HECW2: variants seen among roughly 807,000 people sequenced by gnomAD.
HECW2 encodes the protein HECT, C2 and WW domain containing E3 ubiquitin protein ligase 2, also known as E3 ubiquitin-protein ligase HECW2.
HECW2 carries 61 observed loss-of-function variants against 175.2 expected under a neutral mutation model. The observed-to-expected ratio is 0.35, with a 90% confidence interval of 0.28 to 0.43. The LOEUF is 0.43. Among genes scored for constraint, HECW2 ranks in the 20% least tolerant of loss-of-function variants. The pLI is 1.00. For missense variants in HECW2, 1,524 were observed against 2,000.5 expected, an observed-to-expected ratio of 0.76 and a Z score of 4.54; for synonymous variants, 671 against 731.0, an observed-to-expected ratio of 0.92 and a Z score of 1.32.
chr2:196,442,318 C>CA (rs897251663), intron 1 of HECW2, among the ~76,000 whole-genome samples: 114 of 152,218 alleles, frequency 7.5e-4, no homozygotes, highest in African/African-American at 2.6e-3. Context: ...AAAACATCAA[C>CA]ATTGAAAAGC....
At position 196,569,371 on chromosome 2, in the gene HECW2, C is replaced by CTAAACTAAACTAAACTAAACTAAAA. The variant is rs375827600; in HGVS notation, c.-36+24136_-36+24137insTTTTAGTTTAGTTTAGTTTAGTTTA. Among the ~76,000 whole-genome samples the CTAAACTAAACTAAACTAAACTAAAA allele has an allele frequency of 4.2e-3, 601 of 144,282 alleles. 2 individuals are homozygous for CTAAACTAAACTAAACTAAACTAAAA. The highest frequency in any genetic ancestry group is 6.1e-3 in the Admixed American group (91 of 14,808). 94.7% of individuals were successfully genotyped at this position (144,282 alleles called of 152,430 possible). A position where few individuals can be genotyped will look rare whatever the true frequency, so the allele number is the denominator to read the frequency against. On this transcript the variant is annotated intron_variant, in intron 1 of 28. Coordinates refer to ENST00000644978, the MANE Select transcript of HECW2 (RefSeq NM_001348768.2). Reference sequence around the variant, plus strand: ...CTAAACTAAACTAAACTAAACTAAACTAAAATAAAATAAAATAGGCTTTGT... The same window carrying CTAAACTAAACTAAACTAAACTAAAA: ...CTAAACTAAACTAAACTAAACTAAACTAAACTAAACTAAACTAAACTAAAATAAAATAAAATAAAATAGGCTTTGT...
chr2:196,361,780 A>C (rs1383497206), intron 2 of HECW2: 11 of 982,928 alleles, frequency 1.1e-5, no homozygotes, highest in Non-Finnish European at 1.3e-5. Context: ...GTGACAGTGG[A>C]ATTCATTCCA....
At chr2:196,243,327 C>A (rs1291408961) in intron 19 of HECW2, among the ~76,000 whole-genome samples, 1 of 151,860 alleles carries the variant, frequency 6.6e-6, no homozygotes, top group East Asian at 1.9e-4. Context: ...GCCACCACGC[C>A]CGACTAATTT....
chr2:196,264,384 G>A, intron 17 of HECW2, among the ~76,000 whole-genome samples: 1 of 151,944 alleles, frequency 6.6e-6, no homozygotes, highest in Non-Finnish European at 1.5e-5. Context: ...ACAGAATGTA[G>A]GAAAAATCAA....
intron 1 of HECW2, among the ~76,000 whole-genome samples, chr2:196,485,195 G>A (rs549413763): frequency 6.6e-5 from 10 of 152,290 alleles, no homozygotes; most frequent in East Asian, 1.9e-4. Flanking sequence ...TTGGAGCACC[G>A]AGTGTGAGGT....
At chr2:196,227,070 C>T (rs1687875489) in intron 22 of HECW2, among the ~76,000 whole-genome samples, 1 of 152,160 alleles carries the variant, frequency 6.6e-6, no homozygotes, top group African/African-American at 2.4e-5. Flanking sequence ...ATTGGGCAGC[C>T]ATTTTAAGAA....
intron 2 of HECW2, among the ~76,000 whole-genome samples, chr2:196,397,835 T>C (rs529913997): frequency 2.0e-5 from 3 of 152,354 alleles, no homozygotes; most frequent in Admixed American, 2.0e-4. Flanking sequence ...CAATGTAGTC[T>C]TTTAAGACTC....
chr2:196,293,966 A>G (rs1690706295), intron 13 of HECW2, among the ~76,000 whole-genome samples: 6 of 152,364 alleles, frequency 3.9e-5, no homozygotes, highest in Admixed American at 3.9e-4. Context: ...TCATAGAGGC[A>G]TATAAGCTTG....
intron 2 of HECW2, among the ~76,000 whole-genome samples, chr2:196,360,462 G>A (rs771710831): frequency 5.3e-5 from 8 of 152,228 alleles, no homozygotes; most frequent in Middle Eastern, 3.4e-3. Context: ...ACCAAATACT[G>A]CATGTTCTCA....
chr2:196,542,039 G>A (rs1053441238), intron 1 of HECW2, among the ~76,000 whole-genome samples: 7 of 151,892 alleles, frequency 4.6e-5, no homozygotes, highest in South Asian at 2.1e-4. Flanking sequence ...TGAGGTGGGC[G>A]GATCACGAGG....
chr2:196,533,354 T>C (rs528793306), intron 1 of HECW2, among the ~76,000 whole-genome samples: 46 of 152,326 alleles, frequency 3.0e-4, no homozygotes, highest in African/African-American at 1.1e-3. Flanking sequence ...ATGTTTATTA[T>C]TGACGTGGGA....
At chr2:196,445,486 C>A (rs532937742) in intron 1 of HECW2, among the ~76,000 whole-genome samples, 1 of 152,166 alleles carries the variant, frequency 6.6e-6, no homozygotes, top group Admixed American at 6.5e-5. Flanking sequence ...AATTGTGTGT[C>A]ACTAGAATTA....
At chr2:196,483,798 G>C (rs1330039431) in intron 1 of HECW2, among the ~76,000 whole-genome samples, 1 of 152,190 alleles carries the variant, frequency 6.6e-6, no homozygotes, top group Non-Finnish European at 1.5e-5. Flanking sequence ...TTGCAATGTG[G>C]AGGAACACTT....
chr2:196,299,989 C>A (rs1690978709), intron 13 of HECW2, among the ~76,000 whole-genome samples: 1 of 152,102 alleles, frequency 6.6e-6, no homozygotes, highest in African/African-American at 2.4e-5. Flanking sequence ...TATCCAGTCT[C>A]TACTTGAAAC....
chr2:196,408,567 T>C (rs879575495), intron 2 of HECW2, among the ~76,000 whole-genome samples: 4 of 152,174 alleles, frequency 2.6e-5, no homozygotes, highest in Non-Finnish European at 5.9e-5. Context: ...CATAAATGAA[T>C]GAATGAACAA....
intron 1 of HECW2, among the ~76,000 whole-genome samples, chr2:196,572,624 T>G (rs2125516269): frequency 6.6e-6 from 1 of 152,372 alleles, no homozygotes; most frequent in Non-Finnish European, 1.5e-5. Flanking sequence ...TAAATGTTTG[T>G]GCTTGCCCCC....
chr2:196,298,455 G>T (rs891686920), intron 13 of HECW2, among the ~76,000 whole-genome samples: 1 of 152,018 alleles, frequency 6.6e-6, no homozygotes, highest in Non-Finnish European at 1.5e-5. Flanking sequence ...AGGATTACTA[G>T]GTATTACAAC....
intron 21 of HECW2, among the ~76,000 whole-genome samples, chr2:196,229,636 G>A (rs1405805779): frequency 6.6e-6 from 1 of 152,124 alleles, no homozygotes; most frequent in Non-Finnish European, 1.5e-5. Context: ...CTATGATCAC[G>A]CCACTGCACT....
At chr2:196,575,468 C>T (rs1389399930) in intron 1 of HECW2, among the ~76,000 whole-genome samples, 1 of 151,984 alleles carries the variant, frequency 6.6e-6, no homozygotes, top group African/African-American at 2.4e-5. Context: ...CTCCCATGTT[C>T]AAAGCAGCAT....
Sources: gnomAD v4.1 joint callset for allele counts (sites outside exome capture counted in the v4.1 genomes callset) on GRCh38, gnomAD v4.1.1 for gene constraint, MANE v1.5 for transcripts, NCBI Gene and HGNC (gene_info 2026-07-23, HGNC 2026-07-21) for gene names.